TPRG1: variants seen among roughly 807,000 people sequenced by gnomAD.
TPRG1 encodes the protein tumor protein p63 regulated 1.
In TPRG1, 29 loss-of-function variants were observed where a neutral mutation model predicts 29.3. The ratio of observed to expected loss-of-function variants is 0.99; its 90% CI spans 0.74 to 1.35. The LOEUF (loss-of-function observed/expected upper bound fraction) is 1.35, where lower values mean the gene tolerates loss of function less well. TPRG1 is among the 40% of genes most tolerant of loss of function. The probability of loss-of-function intolerance (pLI) is 0.00; values close to 1 mark genes in which losing one functional copy is unlikely to be tolerated. For synonymous variants in TPRG1, 130 were observed against 116.8 expected (o/e 1.11, Z -0.73); for missense variants, 327 against 335.0 (o/e 0.98, Z 0.19).
intron 1 of TPRG1, chr3:189,190,989 A>C (rs1231644669): frequency 1.0e-6 from 1 of 985,228 alleles, no homozygotes; most frequent in Non-Finnish European, 1.2e-6. Flanking sequence ...TATCACAGGT[A>C]GGTCTTTTAA....
At position 189,174,550 on chromosome 3, in the gene TPRG1, C is replaced by T. The variant is rs1375934; in HGVS notation, c.-10+2419C>T. On this transcript the variant is annotated intron_variant, in intron 1 of 5. Coordinates refer to ENST00000345063, the MANE Select transcript of TPRG1 (RefSeq NM_198485.4). ...ATTCCTTTCAATCATTCTCTTTCAA[C>T]GGAAACCTAGTTCTACATAATGACA... 7.7e-3 allele frequency among the ~76,000 whole-genome samples: 1,170 copies of T among 152,284 alleles called. 14 individuals are homozygous for T. Among genetic ancestry groups the T allele is most frequent in the African/African-American group, 0.024 (1,017 of 41,560 alleles).
chr3:189,315,665 T>C, intron 5 of TPRG1: 1 of 322,722 alleles, frequency 3.1e-6, no homozygotes, highest in Non-Finnish European at 6.2e-6. Flanking sequence ...ACCAATGTTT[T>C]AGCAATTAAA....
intron 1 of TPRG1, among the ~76,000 whole-genome samples, chr3:189,116,661 T>A (rs1349373498): frequency 6.6e-6 from 1 of 152,194 alleles, no homozygotes; most frequent in African/African-American, 2.4e-5. Flanking sequence ...ATTGGTGACA[T>A]GCTAAGTGAA....
intron 4 of TPRG1, among the ~76,000 whole-genome samples, chr3:189,304,927 C>A (rs1467663018): frequency 2.0e-5 from 3 of 152,186 alleles, no homozygotes; most frequent in African/African-American, 7.2e-5. Context: ...CCCATACTTA[C>A]AAGCACACGC....
At chr3:189,307,232 C>G (rs1721767557) in intron 4 of TPRG1, among the ~76,000 whole-genome samples, 1 of 152,130 alleles carries the variant, frequency 6.6e-6, no homozygotes, top group Non-Finnish European at 1.5e-5. Context: ...CCAAGTTGAC[C>G]AGGCTGGTCT....
intron 4 of TPRG1, among the ~76,000 whole-genome samples, chr3:189,147,943 C>T (rs1725468625): frequency 6.6e-6 from 1 of 152,144 alleles, no homozygotes; most frequent in African/African-American, 2.4e-5. Flanking sequence ...AAAATTCAAA[C>T]CTAAGTTTCT....
intron 2 of TPRG1, among the ~76,000 whole-genome samples, chr3:189,129,282 T>C (rs1474106603): frequency 1.3e-5 from 2 of 152,208 alleles, no homozygotes; most frequent in Non-Finnish European, 2.9e-5. Flanking sequence ...AGTTATTTTG[T>C]AGAATGTCCT....
intron 1 of TPRG1, among the ~76,000 whole-genome samples, chr3:189,110,440 C>T (rs1223569787): frequency 1.3e-5 from 2 of 152,134 alleles, no homozygotes; most frequent in Non-Finnish European, 2.9e-5. Flanking sequence ...ATTCTGGTTA[C>T]AAGTCCATAT....
In TPRG1 at chr3:189,060,542, C is replaced by A. The variant is rs1716033376; in HGVS notation, c.-463+36596C>A. Among the ~76,000 whole-genome samples the A allele has an allele frequency of 2.6e-5, 4 of 152,222 alleles. No homozygotes were observed. In the South Asian group the frequency reaches 8.3e-4, roughly 32 times the overall value. ...AAGACATCATTCTATATCTAGAAAA[C>A]CCCATAGTATTGGTTCAAAAGCTCC... On this transcript the variant is annotated intron_variant, in intron 4 of 10. Transcript: ENST00000433971.
chr3:189,029,878 A>G (rs1307453878), intron 4 of TPRG1, among the ~76,000 whole-genome samples: 2 of 152,026 alleles, frequency 1.3e-5, no homozygotes, highest in Admixed American at 6.6e-5. Flanking sequence ...CTGGCTCCCT[A>G]TTGCCTTCCG....
chr3:189,141,151 GA>G (rs1402280838), intron 3 of TPRG1, among the ~76,000 whole-genome samples: 1 of 152,162 alleles, frequency 6.6e-6, no homozygotes, highest in Non-Finnish European at 1.5e-5. Context: ...TCATGTTGCA[GA>G]AAAAATCCTT....
At chr3:189,308,566 T>C (rs1721973922) in intron 4 of TPRG1, among the ~76,000 whole-genome samples, 1 of 152,214 alleles carries the variant, frequency 6.6e-6, no homozygotes, top group Non-Finnish European at 1.5e-5. Flanking sequence ...TTGGCTGAAC[T>C]TGCATATTTG....
At chr3:189,074,367 G>T (rs1416749898) in intron 4 of TPRG1, among the ~76,000 whole-genome samples, 1 of 151,638 alleles carries the variant, frequency 6.6e-6, no homozygotes, top group African/African-American at 2.4e-5. Flanking sequence ...CACTACGCCC[G>T]GCTAATTTTT....
intron 5 of TPRG1, among the ~76,000 whole-genome samples, chr3:189,312,117 G>GTTTCTTTCTTTCTTTC (rs71169040): frequency 6.5e-5 from 4 of 61,358 alleles, no homozygotes; most frequent in South Asian, 4.7e-4. Flanking sequence ...TTCTTTCTTT[G>GTTTCTTTCTTTCTTTC]TTTCTTTCTT....
intron 4 of TPRG1, among the ~76,000 whole-genome samples, chr3:189,258,963 G>C (rs150631838): frequency 0.013 from 1,923 of 152,322 alleles, 46 homozygotes; most frequent in African/African-American, 0.044. Context: ...ATCCACTGAG[G>C]AAGACCACTT....
At chr3:189,133,506 G>A (rs573324696) in intron 3 of TPRG1, among the ~76,000 whole-genome samples, 1 of 152,230 alleles carries the variant, frequency 6.6e-6, no homozygotes, top group Admixed American at 6.5e-5. Context: ...CCCCATGCTG[G>A]TCTTGTGATA....
At chr3:189,234,940 A>G (rs1739224129) in intron 3 of TPRG1, among the ~76,000 whole-genome samples, 1 of 152,192 alleles carries the variant, frequency 6.6e-6, no homozygotes, top group Non-Finnish European at 1.5e-5. Flanking sequence ...CAGCTCTGTC[A>G]GAGTTAACTA....
chr3:189,022,073 T>A (rs1192863214), intron 3 of TPRG1, among the ~76,000 whole-genome samples: 1 of 151,976 alleles, frequency 6.6e-6, no homozygotes, highest in Non-Finnish European at 1.5e-5. Context: ...GCCTTGGTTT[T>A]CAGCTCCATC....
chr3:189,087,991 A>G (rs1171729246), intron 4 of TPRG1, among the ~76,000 whole-genome samples: 1 of 150,752 alleles, frequency 6.6e-6, no homozygotes, highest in Non-Finnish European at 1.5e-5. Flanking sequence ...GCAATGCGGG[A>G]TTTTTTTGGT....
Sources: gnomAD v4.1 joint callset for allele counts (sites outside exome capture counted in the v4.1 genomes callset) on GRCh38, gnomAD v4.1.1 for gene constraint, MANE v1.5 for transcripts, NCBI Gene and HGNC (gene_info 2026-07-23, HGNC 2026-07-21) for gene names.